ACSM1: variants seen among roughly 807,000 people sequenced by gnomAD.
The protein encoded by ACSM1 is acyl-coenzyme A synthetase ACSM1, mitochondrial.
Under a neutral mutation model 75.8 loss-of-function variants are expected in ACSM1, and 79 were observed. The ratio of observed to expected loss-of-function variants is 1.04; its 90% confidence interval spans 0.87 to 1.26. ACSM1 has a LOEUF of 1.26. Ranked by LOEUF, ACSM1 falls within the 50% of genes most tolerant of loss-of-function variation. The pLI, the probability that ACSM1 is intolerant of heterozygous loss-of-function variation, is 0.00. For synonymous variants in ACSM1, 279 were observed against 265.8 expected, an observed-to-expected ratio of 1.05 and a Z score of -0.48; for missense variants, 676 against 720.1, an observed-to-expected ratio of 0.94 and a Z score of 0.70.
In ACSM1 at chr16:20,682,329, G is replaced by T. The variant is rs2079463066; in HGVS notation, c.538C>A (p.Pro180Thr). Reference sequence around the variant, plus strand: ...ACCAGGAGCTTGGTTTTCAGAGAGGGGCACTGAGAAGCTATGGAGTCCACC... The same window carrying T: ...ACCAGGAGCTTGGTTTTCAGAGAGGTGCACTGAGAAGCTATGGAGTCCACC... Reference protein sequence around the residue: ...SEVDSIASQCPSLKTKLLVSD... With the variant: ...SEVDSIASQCTSLKTKLLVSD... The change falls in exon 4 of 14, where the codon CCC becomes ACC. Residue 180 changes from proline to threonine, a missense_variant. Coordinates refer to ENST00000520010, the MANE Select transcript of ACSM1 (RefSeq NM_001318890.3). 2.5e-6 allele frequency: 4 copies of T among 1,613,996 alleles called. No homozygotes were observed. The highest frequency in any genetic ancestry group is 1.7e-4 in the Middle Eastern group (1 of 6,016).
At chr16:20,658,752 C>A (rs1003942942) in intron 7 of ACSM1, among the ~76,000 whole-genome samples, 1 of 152,142 alleles carries the variant, frequency 6.6e-6, no homozygotes, top group Non-Finnish European at 1.5e-5. Flanking sequence ...GTGTTTCTTG[C>A]ATTTAATTTA....
At chr16:20,632,862 T>A (rs1203233503) in intron 10 of ACSM1, among the ~76,000 whole-genome samples, 1 of 152,142 alleles carries the variant, frequency 6.6e-6, no homozygotes, top group East Asian at 1.9e-4. Flanking sequence ...TTATTCCTGT[T>A]TCAACATACA....
At chr16:20,670,093 A>G in intron 5 of ACSM1, 107 bp from the exon 6 acceptor site, 2 of 1,153,430 alleles carry the variant, frequency 1.7e-6, no homozygotes, top group Non-Finnish European at 2.5e-6. Context: ...CTCTCAGTTC[A>G]TGTGATTTGT....
At chr16:20,688,922 T>G (rs554645093) in intron 2 of ACSM1, among the ~76,000 whole-genome samples, 31 of 150,246 alleles carry the variant, frequency 2.1e-4, no homozygotes, top group Middle Eastern at 7.0e-3. Flanking sequence ...TTACAGTATT[T>G]AAAAAACAAA....
intron 1 of ACSM1, among the ~76,000 whole-genome samples, chr16:20,695,374 GAA>G (rs2079683727): frequency 1.3e-5 from 2 of 152,186 alleles, no homozygotes; most frequent in Non-Finnish European, 2.9e-5. Flanking sequence ...AAGTATTTTA[GAA>G]ATAAGAGCTG....
intron 1 of ACSM1, among the ~76,000 whole-genome samples, 173 bp from the exon 2 acceptor site, chr16:20,691,412 T>C (rs1178198431): frequency 6.6e-6 from 1 of 152,196 alleles, no homozygotes; most frequent in East Asian, 1.9e-4. Context: ...AGGAACCACA[T>C]GGCAGAAAAC....
intron 5 of ACSM1, among the ~76,000 whole-genome samples, chr16:20,670,962 G>A (rs997863114): frequency 5.3e-5 from 8 of 152,214 alleles, no homozygotes; most frequent in South Asian, 2.1e-4. Context: ...ATGAGAAGGC[G>A]TAGAGAAGGA....
chr16:20,630,480 A>G (rs1342990478), intron 10 of ACSM1, among the ~76,000 whole-genome samples: 1 of 152,262 alleles, frequency 6.6e-6, no homozygotes, highest in African/African-American at 2.4e-5. Context: ...TATAATAATC[A>G]TAAACATATA....
intron 7 of ACSM1, among the ~76,000 whole-genome samples, chr16:20,647,097 C>T (rs1423506545): frequency 3.7e-4 from 56 of 152,212 alleles, no homozygotes; most frequent in Admixed American, 3.7e-3. Context: ...TTCTCATTAT[C>T]AGTGGCCTCC....
At chr16:20,663,917 G>C (rs1297376132) in intron 6 of ACSM1, among the ~76,000 whole-genome samples, 1 of 152,096 alleles carries the variant, frequency 6.6e-6, no homozygotes, top group Non-Finnish European at 1.5e-5. Context: ...GACATCATAG[G>C]TGTCTAAGGC....
At chr16:20,667,206 AGAATCAAATATCCAGATTC>A (rs1392894897) in intron 6 of ACSM1, among the ~76,000 whole-genome samples, 1 of 152,192 alleles carries the variant, frequency 6.6e-6, no homozygotes, top group Non-Finnish European at 1.5e-5. Flanking sequence ...GACAACATCC[AGAATCAAATATCCAGATTC>A]TACAAAGAAT....
At chr16:20,631,209 T>C (rs2017321613) in intron 10 of ACSM1, among the ~76,000 whole-genome samples, 1 of 152,194 alleles carries the variant, frequency 6.6e-6, no homozygotes, top group African/African-American at 2.4e-5. Flanking sequence ...GGCTGTCTTC[T>C]TGATGGGGCC....
intron 4 of ACSM1, among the ~76,000 whole-genome samples, chr16:20,678,322 T>A (rs1596933875): frequency 6.6e-6 from 1 of 152,178 alleles, no homozygotes; most frequent in South Asian, 2.1e-4. Flanking sequence ...ACTAAAGACA[T>A]TATTAAGGCA....
chr16:20,654,792 T>G (rs1184590651), intron 7 of ACSM1, among the ~76,000 whole-genome samples: 1 of 152,210 alleles, frequency 6.6e-6, no homozygotes, highest in African/African-American at 2.4e-5. Flanking sequence ...ACTTTTACAC[T>G]GTTGGTGGGA....
intron 4 of ACSM1, chr16:20,674,214 A>C (rs576605671): frequency 5.1e-5 from 17 of 330,218 alleles, no homozygotes; most frequent in Admixed American, 5.0e-4. Flanking sequence ...TTTAAAAATT[A>C]ACTGCCTGTT....
At chr16:20,669,566 C>CAT (rs1458734947) in intron 6 of ACSM1, among the ~76,000 whole-genome samples, 1 of 151,938 alleles carries the variant, frequency 6.6e-6, no homozygotes, top group Non-Finnish European at 1.5e-5. Context: ...TCAAAATGCA[C>CAT]ATCCTGGGTC....
At chr16:20,672,375 G>A (rs2019963405) in intron 4 of ACSM1, among the ~76,000 whole-genome samples, 1 of 142,856 alleles carries the variant, frequency 7.0e-6, no homozygotes, top group Non-Finnish European at 1.5e-5. Context: ...TGTGAACCTG[G>A]GAGGCTGAGC....
At chr16:20,688,313 C>T (rs536291889) in intron 2 of ACSM1, among the ~76,000 whole-genome samples, 1 of 152,098 alleles carries the variant, frequency 6.6e-6, no homozygotes, top group Non-Finnish European at 1.5e-5. Context: ...TTATAGGACA[C>T]TATCAAGCCA....
intron 1 of ACSM1, among the ~76,000 whole-genome samples, chr16:20,691,646 T>A (rs1315499238): frequency 6.6e-6 from 1 of 152,108 alleles, no homozygotes; most frequent in South Asian, 2.1e-4. Context: ...AGCTGTGATA[T>A]CTTTATATGA....
Sources: allele counts gnomAD v4.1 joint callset (sites outside exome capture counted in the v4.1 genomes callset), GRCh38; gene constraint gnomAD v4.1.1; transcripts MANE v1.5; gene names NCBI Gene and HGNC (gene_info 2026-07-23, HGNC 2026-07-21).